Variants in RAPGEF1 observed in about 807,000 individuals in gnomAD.
RAPGEF1 encodes the protein Rap guanine nucleotide exchange factor 1.
Under a neutral mutation model 143.3 loss-of-function variants are expected in RAPGEF1, and 33 were observed. The ratio of observed to expected loss-of-function variants is 0.23; its 90% confidence interval spans 0.17 to 0.31. The LOEUF is 0.31. RAPGEF1 is among the 10% of genes least tolerant of loss of function. The pLI is 1.00. For missense variants in RAPGEF1, 1,199 were observed against 1,645.4 expected, an observed-to-expected ratio of 0.73 and a Z score of 4.69; for synonymous variants, 629 against 676.5, an observed-to-expected ratio of 0.93 and a Z score of 1.09.
At chr9:131,611,838 T>C (rs1384242950) in intron 12 of RAPGEF1, among the ~76,000 whole-genome samples, 1 of 152,162 alleles carries the variant, frequency 6.6e-6, no homozygotes, top group Non-Finnish European at 1.5e-5. Flanking sequence ...CCTTACGAGA[T>C]CTCAAAATTT....
chr9:131,713,288 C>A (rs1437122318), intron 1 of RAPGEF1, among the ~76,000 whole-genome samples: 1 of 152,160 alleles, frequency 6.6e-6, no homozygotes, highest in Non-Finnish European at 1.5e-5. Flanking sequence ...AGCCTCAAAT[C>A]TCTGTAAAAC....
rs866856591 is a variant in RAPGEF1, at chr9:131,655,908, G to C, written c.62-4959C>G. 6.6e-6 allele frequency among the ~76,000 whole-genome samples: 1 copy of C among 152,112 alleles called. No homozygotes were observed. The highest frequency in any genetic ancestry group is 2.4e-5 in the African/African-American group (1 of 41,414). On this transcript the variant is annotated intron_variant, in intron 1 of 26. Transcript: ENST00000683357. The surrounding 1 kb of genome is among the most constrained non-coding windows in gnomAD (Gnocchi z 4.1). ...GGCCAAAAAATTTTCTAAAAGGGGG[G>C]TGTGCACTGGAGTCAGAATGTTTGC...
chr9:131,709,760 C>T, intron 1 of RAPGEF1: 1 of 1,606,076 alleles, frequency 6.2e-7, no homozygotes, highest in Non-Finnish European at 8.5e-7. Context: ...GAGTCACTGG[C>T]TGAAAGGGGA....
In RAPGEF1 at chr9:131,625,938, C is replaced by T; in HGVS notation, c.1686G>A (p.Glu562=). ...AAGGCTTACTGTGTTTGTTTTTCTT[C>T]TCTGGTAGAGGAGGTGGTTTTTCTG... is the stretch of plus-strand genomic sequence containing the variant. ...GDPEKPPPLP[E]KKNKHMLAYM... Residue 562 remains glutamate, a synonymous_variant, in exon 10 of 27, where the codon GAG becomes GAA. Coordinates refer to ENST00000683357, the MANE Select transcript of RAPGEF1 (RefSeq NM_001377935.1). 6.4e-7 allele frequency: 1 copy of T among 1,570,788 alleles called. No individual in the cohort carries two copies. The highest frequency in any genetic ancestry group is 8.7e-7 in the Non-Finnish European group (1 of 1,152,560).
intron 17 of RAPGEF1, among the ~76,000 whole-genome samples, chr9:131,594,852 T>C (rs759539933): frequency 5.9e-5 from 9 of 152,178 alleles, no homozygotes; most frequent in Non-Finnish European, 1.2e-4. Flanking sequence ...GACAGGACAG[T>C]GGAGTTCACC....
At chr9:131,630,603 A>G (rs1224346322) in intron 5 of RAPGEF1, among the ~76,000 whole-genome samples, 2 of 152,214 alleles carry the variant, frequency 1.3e-5, no homozygotes, top group Non-Finnish European at 2.9e-5. Flanking sequence ...GCCTCTCAAA[A>G]TGATTGTTTA....
chr9:131,666,881 C>G (rs1360281798), intron 1 of RAPGEF1, among the ~76,000 whole-genome samples: 2 of 152,230 alleles, frequency 1.3e-5, no homozygotes, highest in Non-Finnish European at 1.5e-5. Context: ...GCCCTCACCT[C>G]CTGTGATGGG....
chr9:131,584,420 G>A lies in RAPGEF1; in HGVS notation c.3313-8C>T, dbSNP rs1235160108. On this transcript the variant is annotated splice_polypyrimidine_tract_variant and splice_region_variant and intron_variant, in intron 23 of 26. Coordinates refer to ENST00000683357, the MANE Select transcript of RAPGEF1 (RefSeq NM_001377935.1). The surrounding 1 kb of genome is among the most constrained non-coding windows in gnomAD (Gnocchi z 6.8). Reference sequence around the variant, plus strand: ...ATTCAGCTTCCGCAAGTGCTGCCGAGAGAGGGGCGGTGCCGTGAGGCAGGA... The same window carrying A: ...ATTCAGCTTCCGCAAGTGCTGCCGAAAGAGGGGCGGTGCCGTGAGGCAGGA... 2 of 1,613,880 alleles carry A rather than the reference G, an allele frequency of 1.2e-6. No individual in the cohort carries two copies. Among genetic ancestry groups the A allele is most frequent in the Non-Finnish European group, 1.7e-6 (2 of 1,179,772 alleles).
chr9:131,687,540 C>G lies in RAPGEF1; in HGVS notation c.62-36591G>C, dbSNP rs140845368. On this transcript the variant is annotated intron_variant, in intron 1 of 26. Transcript: ENST00000683357. ...CTCCTCCCCAAAAGTCTGTTCTCAA[C>G]TGAGCATGTTTTCCTTAGATTTCAT... Among the ~76,000 whole-genome samples, 6 of 152,278 alleles carry G rather than the reference C, an allele frequency of 3.9e-5. No homozygotes were observed. The East Asian group carries it at 9.7e-4, about 24-fold the overall frequency.
intron 12 of RAPGEF1, among the ~76,000 whole-genome samples, chr9:131,613,043 C>T (rs1373581050): frequency 6.6e-6 from 1 of 152,210 alleles, no homozygotes; most frequent in African/African-American, 2.4e-5. Flanking sequence ...GAACATGACA[C>T]AGGAAAGCAG....
rs35405559 is a variant in RAPGEF1, at chr9:131,634,713, C to CAAAAAA, written c.651+3916_651+3921dup. ...GGGCAACAAGAGTGAGACTCCGTCT[C>CAAAAAA]AAAAAAAAAAAAAAAAAAAAAAAAA... On this transcript the variant is annotated intron_variant, in intron 5 of 26. Transcript: ENST00000683357. 4.6e-4 allele frequency among the ~76,000 whole-genome samples: 28 copies of CAAAAAA among 61,212 alleles called. 1 individual carries two copies. The highest frequency in any genetic ancestry group is 9.4e-4 in the African/African-American group (12 of 12,814). 40.2% of individuals were successfully genotyped at this position (61,212 alleles called of 152,430 possible).
At chr9:131,649,180 C>T (rs1970440719) in intron 3 of RAPGEF1, among the ~76,000 whole-genome samples, 1 of 149,874 alleles carries the variant, frequency 6.7e-6, no homozygotes, top group South Asian at 2.1e-4. Flanking sequence ...TTACAGGCGC[C>T]TGCCACTATG....
intron 1 of RAPGEF1, among the ~76,000 whole-genome samples, chr9:131,695,617 C>G (rs887575931): frequency 3.3e-5 from 5 of 152,176 alleles, no homozygotes; most frequent in African/African-American, 9.7e-5. Flanking sequence ...GGGCTGCTGC[C>G]AGGACTGAGT....
chr9:131,625,131 G>A (rs535631152), intron 10 of RAPGEF1, among the ~76,000 whole-genome samples: 1 of 152,318 alleles, frequency 6.6e-6, no homozygotes, highest in South Asian at 2.1e-4. Context: ...GGGAAGCCTG[G>A]GGCTGTGTGG....
intron 4 of RAPGEF1, among the ~76,000 whole-genome samples, chr9:131,642,613 G>A (rs1296808287): frequency 1.3e-5 from 2 of 152,198 alleles, no homozygotes; most frequent in East Asian, 3.9e-4. Context: ...GCCCGCCCTG[G>A]ACCCAATAAC....
At chr9:131,731,829 G>T (rs957555125) in intron 1 of RAPGEF1, among the ~76,000 whole-genome samples, 1 of 152,204 alleles carries the variant, frequency 6.6e-6, no homozygotes, top group African/African-American at 2.4e-5. Flanking sequence ...GAAAAGCAAA[G>T]AGAAAGCTGC....
chr9:131,627,268 G>C (rs1480236714), intron 9 of RAPGEF1, among the ~76,000 whole-genome samples: 3 of 149,018 alleles, frequency 2.0e-5, no homozygotes, highest in Non-Finnish European at 4.4e-5. Context: ...CTATGTAAAT[G>C]GTCCTGTACT....
rs868708794 is a variant in RAPGEF1 at position 131,739,946 on chromosome 9, G to A, written c.-116C>T. On this transcript the variant is annotated 5_prime_UTR_variant, in exon 1 of 27. Coordinates refer to ENST00000683357, the MANE Select transcript of RAPGEF1 (RefSeq NM_001377935.1). ...GCATGGCGGGCTCCGCGCGGCCGCG[G>A]CCCTGCGCTCGGCGACCGCGCTCCA... is the stretch of plus-strand genomic sequence containing the variant. The A allele has an allele frequency of 1.8e-6, 1 of 569,756 alleles. No individual in the cohort carries two copies. The highest frequency in any genetic ancestry group is 2.1e-5 in the African/African-American group (1 of 48,630). The allele number at this position is 569,756 out of a possible 1,614,324, so 35.3% of individuals were successfully genotyped here.
In RAPGEF1 at chr9:131,659,888, G is replaced by A. The variant is rs1378544728; in HGVS notation, c.62-8939C>T. On this transcript the variant is annotated intron_variant, in intron 1 of 26. Transcript: ENST00000683357. ...GGCTGGAGTGCAGTGGCGTGATCTC[G>A]GCTCACTGCAAGCTCCACCTCCTGG... Among the ~76,000 whole-genome samples the A allele has an allele frequency of 9.9e-5, 15 of 151,906 alleles. 1 individual carries two copies. Among genetic ancestry groups the A allele is most frequent in the Middle Eastern group, 3.4e-3 (1 of 292 alleles).
Sources: allele counts gnomAD v4.1 joint callset (sites outside exome capture counted in the v4.1 genomes callset), GRCh38; gene constraint gnomAD v4.1.1; non-coding constraint Gnocchi (gnomAD v3.1); transcripts MANE v1.5; gene names NCBI Gene and HGNC (gene_info 2026-07-23, HGNC 2026-07-21).